The following DOCK7 variants were observed in gnomAD, a reference collection of about 807,000 sequenced individuals.
The protein encoded by DOCK7 is dedicator of cytokinesis 7.
Under a neutral mutation model 271.0 loss-of-function variants are expected in DOCK7, and 138 were observed. The observed-to-expected ratio is 0.51, with a 90% CI of 0.44 to 0.59. The LOEUF is 0.59. DOCK7 is among the 20% of genes least tolerant of loss of function. The pLI, the probability that DOCK7 is intolerant of heterozygous loss-of-function variation, is 0.00. For synonymous variants in DOCK7, 823 were observed against 876.1 expected, an observed-to-expected ratio of 0.94 and a Z score of 1.07; for missense variants, 2,066 against 2,592.4, an observed-to-expected ratio of 0.80 and a Z score of 4.41.
chr1:62,457,795 A>G, intron 48 of DOCK7, 90 bp from the exon 49 acceptor site: 1 of 1,233,830 alleles, frequency 8.1e-7, no homozygotes, highest in Non-Finnish European at 1.1e-6. Flanking sequence ...ATACATATAT[A>G]TGTGGGCTTA....
At chr1:62,472,104 G>T (rs1019880894) in intron 48 of DOCK7, among the ~76,000 whole-genome samples, 14 of 151,532 alleles carry the variant, frequency 9.2e-5, no homozygotes, top group African/African-American at 3.4e-4. Flanking sequence ...CGTTTTTTTT[G>T]TTTTGTTTTG....
chr1:62,604,195 C>T (rs1259552648), intron 14 of DOCK7: 1 of 1,613,154 alleles, frequency 6.2e-7, no homozygotes, highest in Admixed American at 1.7e-5. Context: ...CTTGGGATCA[C>T]AAAGCAAAAG....
chr1:62,567,204 C>T (rs1205118697), intron 18 of DOCK7, among the ~76,000 whole-genome samples: 1 of 152,146 alleles, frequency 6.6e-6, no homozygotes, highest in Admixed American at 6.5e-5. Context: ...TGGGTATATA[C>T]CCAAAGAATT....
chr1:62,502,179 T>A (rs1280856428), intron 37 of DOCK7, among the ~76,000 whole-genome samples: 1 of 152,172 alleles, frequency 6.6e-6, no homozygotes, highest in East Asian at 1.9e-4. Context: ...ATGGGTTGAA[T>A]AACTTTTGTA....
chr1:62,557,625 G>C (rs1646188884), intron 20 of DOCK7, among the ~76,000 whole-genome samples: 2 of 146,320 alleles, frequency 1.4e-5, no homozygotes, highest in Non-Finnish European at 3.0e-5. Context: ...CTAGATAAGA[G>C]AGAGAGGGAC....
chr1:62,645,099 T>G (rs1355348012), intron 7 of DOCK7, among the ~76,000 whole-genome samples: 1 of 152,166 alleles, frequency 6.6e-6, no homozygotes, highest in Non-Finnish European at 1.5e-5. Context: ...AACTTGCTAG[T>G]GGTAATGTAA....
chr1:62,482,403 G>A (rs1280194865), intron 43 of DOCK7: 4 of 151,572 alleles, frequency 2.6e-5, no homozygotes, highest in South Asian at 2.1e-4. Context: ...AGAGTGCAAC[G>A]GCGCAATCTT....
intron 11 of DOCK7, chr1:62,628,068 A>C (rs1332162669): frequency 6.6e-6 from 1 of 152,226 alleles, no homozygotes; most frequent in Non-Finnish European, 1.5e-5. Context: ...ATTTTTCCAC[A>C]GATGGGGTTG....
chr1:62,523,687 T>C (rs868029833), intron 31 of DOCK7, among the ~76,000 whole-genome samples: 4 of 152,126 alleles, frequency 2.6e-5, no homozygotes, highest in Admixed American at 6.5e-5. Flanking sequence ...ACTAACATGG[T>C]GAAACCCCAT....
At chr1:62,613,253 G>A (rs928062665) in intron 14 of DOCK7, among the ~76,000 whole-genome samples, 1 of 152,172 alleles carries the variant, frequency 6.6e-6, no homozygotes, top group Non-Finnish European at 1.5e-5. Flanking sequence ...AGAATTTGAT[G>A]TAAACCCCAC....
chr1:62,476,875 G>A (rs903563812), intron 44 of DOCK7: 3 of 152,156 alleles, frequency 2.0e-5, no homozygotes, highest in African/African-American at 7.2e-5. Context: ...AAAATAAAAA[G>A]TCACAGTTTG....
In DOCK7 at chr1:62,488,701, G is replaced by GAA. The variant is rs57650980; in HGVS notation, c.5493+231_5493+232dup. The GAA allele has an allele frequency of 0.011, 5,047 of 452,950 alleles. 14 individuals carry two copies. Among genetic ancestry groups the GAA allele is most frequent in the Non-Finnish European group, 0.014 (3,643 of 252,528 alleles). 28.1% of individuals were successfully genotyped at this position (452,950 alleles called of 1,614,324 possible). A position where few individuals can be genotyped will look rare whatever the true frequency, so the allele number is the denominator to read the frequency against. Reference sequence around the variant, plus strand: ...ACTTGCTAATTAATAATTCAAAAATGAAAAAAAAAAGCTATGCAGAAAGTT... The same window carrying GAA: ...ACTTGCTAATTAATAATTCAAAAATGAAAAAAAAAAAAGCTATGCAGAAAGTT... On this transcript the variant is annotated intron_variant, in intron 42 of 49. Transcript: ENST00000635253.
chr1:62,467,846 A>T (rs1645721494), intron 48 of DOCK7, among the ~76,000 whole-genome samples: 1 of 152,212 alleles, frequency 6.6e-6, no homozygotes, highest in African/African-American at 2.4e-5. Context: ...CATAGAAGCA[A>T]AAATCTTTAA....
At chr1:62,467,056 T>C (rs1222148511) in intron 48 of DOCK7, among the ~76,000 whole-genome samples, 1 of 152,186 alleles carries the variant, frequency 6.6e-6, no homozygotes, top group East Asian at 1.9e-4. Flanking sequence ...TACTTTATAT[T>C]CATAGAAAGG....
At chr1:62,529,238 A>G (rs1303116293) in intron 30 of DOCK7, 39 bp downstream of exon 30, 1 of 1,512,902 alleles carries the variant, frequency 6.6e-7, no homozygotes, top group Non-Finnish European at 8.8e-7. Context: ...TTAAACATTG[A>G]GCTTTGCCTT....
intron 48 of DOCK7, among the ~76,000 whole-genome samples, chr1:62,459,604 TA>T (rs1184815446): frequency 6.6e-6 from 1 of 152,174 alleles, no homozygotes; most frequent in Non-Finnish European, 1.5e-5. Context: ...GATTTTTTGC[TA>T]AATTATTAAT....
In DOCK7 at chr1:62,585,001, T is replaced by C. The variant is rs1456458145; in HGVS notation, c.1800+1506A>G. 74 of 487,774 alleles carry C rather than the reference T, an allele frequency of 1.5e-4. 2 individuals are homozygous for C. The South Asian group carries it at 1.6e-3, about 11-fold the overall frequency. The allele number at this position is 487,774 out of a possible 1,614,324, so 30.2% of individuals were successfully genotyped here. On this transcript the variant is annotated intron_variant, in intron 15 of 49. Transcript: ENST00000635253. ...TCAAATTCATATGGCAACTCACACATAGGCTGACCAAGTATCTATTTTCAC... is the reference window on the plus strand; with the variant it reads ...TCAAATTCATATGGCAACTCACACACAGGCTGACCAAGTATCTATTTTCAC...
intron 14 of DOCK7, among the ~76,000 whole-genome samples, chr1:62,613,858 T>C (rs1003673038): frequency 6.6e-6 from 1 of 152,078 alleles, no homozygotes; most frequent in African/African-American, 2.4e-5. Context: ...AATGCTTAAA[T>C]TCCTATTTTT....
chr1:62,507,797 T>C (rs909825797), intron 35 of DOCK7, among the ~76,000 whole-genome samples, 165 bp downstream of exon 35: 1 of 152,246 alleles, frequency 6.6e-6, no homozygotes, highest in South Asian at 2.1e-4. Flanking sequence ...CAGTTGAAGC[T>C]ATGGGAATTT....
Sources: gnomAD v4.1 joint callset for allele counts (sites outside exome capture counted in the v4.1 genomes callset) on GRCh38, gnomAD v4.1.1 for gene constraint, MANE v1.5 for transcripts, NCBI Gene and HGNC (gene_info 2026-07-23, HGNC 2026-07-21) for gene names.